PCCA: variants seen among roughly 807,000 people sequenced by gnomAD.
The protein encoded by PCCA is propionyl-CoA carboxylase alpha chain, mitochondrial.
A neutral mutation model predicts 101.3 loss-of-function variants in PCCA; 74 were observed. The observed-to-expected ratio is 0.73, with a 90% CI of 0.61 to 0.89. The LOEUF is 0.89. PCCA is among the 40% of genes least tolerant of loss of function. PCCA has a pLI of 0.00. For missense variants in PCCA, 891 were observed against 907.0 expected, an observed-to-expected ratio of 0.98 and a Z score of 0.23; for synonymous variants, 294 against 313.6, an observed-to-expected ratio of 0.94 and a Z score of 0.66.
chr13:100,150,878 C>T (rs2053228481), intron 4 of PCCA: 1 of 1,562,692 alleles, frequency 6.4e-7, no homozygotes, highest in East Asian at 2.2e-5. Context: ...AGGAACTGGG[C>T]GTTTTCGGCC....
At chr13:100,213,669 C>A (rs959487753) in intron 7 of PCCA, among the ~76,000 whole-genome samples, 1 of 152,114 alleles carries the variant, frequency 6.6e-6, no homozygotes, top group East Asian at 1.9e-4. Flanking sequence ...AAATATTTTG[C>A]TCCCATTCCA....
intron 21 of PCCA, among the ~76,000 whole-genome samples, chr13:100,509,826 T>TTTTTTTG (rs142898031): frequency 6.0e-5 from 9 of 149,454 alleles, no homozygotes; most frequent in African/African-American, 2.0e-4. Flanking sequence ...TTTTGTGTTT[T>TTTTTTTG]TTTTGTTTTG....
chr13:100,357,443 A>T (rs941342658), intron 18 of PCCA, among the ~76,000 whole-genome samples: 3 of 152,186 alleles, frequency 2.0e-5, no homozygotes, highest in African/African-American at 7.2e-5. Context: ...CTGGGCTACC[A>T]CCTGGAAGGT....
At chr13:100,105,412 A>G (rs1472326471) in intron 2 of PCCA, among the ~76,000 whole-genome samples, 2 of 152,174 alleles carry the variant, frequency 1.3e-5, no homozygotes, top group African/African-American at 4.8e-5. Flanking sequence ...CTACACTCTT[A>G]AGAGTAATTA....
chr13:100,095,759 GGGA>G (rs1293827383), intron 1 of PCCA, among the ~76,000 whole-genome samples: 4 of 152,196 alleles, frequency 2.6e-5, no homozygotes, highest in South Asian at 2.1e-4. Context: ...TAGGAGATGA[GGGA>G]GGAGGAGTGG....
intron 21 of PCCA, among the ~76,000 whole-genome samples, chr13:100,483,471 T>G (rs894675489): frequency 6.6e-6 from 1 of 152,248 alleles, no homozygotes; most frequent in Non-Finnish European, 1.5e-5. Context: ...CCGTTTGTGC[T>G]GGCTCATTGG....
At chr13:100,405,916 G>A (rs553899414) in intron 19 of PCCA, among the ~76,000 whole-genome samples, 36 of 151,952 alleles carry the variant, frequency 2.4e-4, no homozygotes, top group African/African-American at 7.7e-4. Flanking sequence ...AAAGGTGTGC[G>A]CCACCATGCC....
chr13:100,175,059 C>A (rs1012271893), intron 6 of PCCA, among the ~76,000 whole-genome samples: 1 of 152,002 alleles, frequency 6.6e-6, no homozygotes, highest in Non-Finnish European at 1.5e-5. Context: ...TTCTAATATT[C>A]TGTGCCCTAG....
At chr13:100,118,593 G>A (rs895892335) in intron 4 of PCCA, among the ~76,000 whole-genome samples, 15 of 151,806 alleles carry the variant, frequency 9.9e-5, no homozygotes, top group African/African-American at 3.4e-4. Context: ...TCAGTTGCCC[G>A]GGCTGGAGTG....
At chr13:100,519,512 G>A (rs924159327) in intron 22 of PCCA, among the ~76,000 whole-genome samples, 3 of 152,228 alleles carry the variant, frequency 2.0e-5, no homozygotes, top group East Asian at 1.9e-4. Flanking sequence ...ATCGGTGGGC[G>A]TCGGTGGCAA....
chr13:100,089,351 G>A, intron 1 of PCCA, 126 bp downstream of exon 1: 1 of 1,227,560 alleles, frequency 8.1e-7, no homozygotes, highest in East Asian at 3.1e-5. Context: ...TTCCGCATCA[G>A]CTACACCGCT....
chr13:100,337,614 T>C, intron 17 of PCCA, among the ~76,000 whole-genome samples: 1 of 152,212 alleles, frequency 6.6e-6, no homozygotes, highest in East Asian at 1.9e-4. Context: ...TTGAAGTTGA[T>C]GTGCATCATA....
intron 6 of PCCA, among the ~76,000 whole-genome samples, chr13:100,183,996 C>T (rs1274689733): frequency 6.6e-6 from 1 of 152,068 alleles, no homozygotes; most frequent in Non-Finnish European, 1.5e-5. Flanking sequence ...TAAAGAAATG[C>T]CTGAGACTGG....
chr13:100,134,974 T>C (rs1341343475), intron 4 of PCCA, among the ~76,000 whole-genome samples: 3 of 150,350 alleles, frequency 2.0e-5, no homozygotes, highest in Non-Finnish European at 4.4e-5. Context: ...ACTCCTGGGC[T>C]CAAGTGATCC....
At chr13:100,400,669 A>T (rs1239208740) in intron 19 of PCCA, among the ~76,000 whole-genome samples, 6 of 99,392 alleles carry the variant, frequency 6.0e-5, no homozygotes, top group African/African-American at 8.6e-5. Context: ...TCTTTTGCCC[A>T]GTCTGGAGTG....
chr13:100,247,215 GTT>G (rs143058621), intron 8 of PCCA, among the ~76,000 whole-genome samples: 3,782 of 108,134 alleles, frequency 0.035, 128 homozygotes, highest in African/African-American at 0.12. Context: ...GCCTGTGTGG[GTT>G]TTTTTTTTTT....
In PCCA at chr13:100,425,954, A is replaced by G. The variant is rs185559755; in HGVS notation, c.1845+223A>G. 4.0e-5 allele frequency among the ~76,000 whole-genome samples: 6 copies of G among 151,244 alleles called. No individual in the cohort carries two copies. The South Asian group carries it at 8.3e-4, about 21-fold the overall frequency. ...TCAGACAATCCAAGAAGGTTCATGT[A>G]TTGTACTTTGTTGTAAACAAGGAAT... On this transcript the variant is annotated intron_variant, in intron 20 of 23. Transcript: ENST00000376285.
At chr13:100,434,856 C>T (rs1161684600) in intron 20 of PCCA, among the ~76,000 whole-genome samples, 1 of 152,202 alleles carries the variant, frequency 6.6e-6, no homozygotes, top group Non-Finnish European at 1.5e-5. Context: ...CAGAGTTCAG[C>T]CTTAAATTCT....
chr13:100,362,882 ATCC>A (rs1264663876), intron 18 of PCCA, among the ~76,000 whole-genome samples: 1 of 152,156 alleles, frequency 6.6e-6, no homozygotes, highest in Non-Finnish European at 1.5e-5. Flanking sequence ...CAGAATTCTA[ATCC>A]TCCTCTATGC....
Sources: gnomAD v4.1 joint callset for allele counts (sites outside exome capture counted in the v4.1 genomes callset) on GRCh38, gnomAD v4.1.1 for gene constraint, MANE v1.5 for transcripts, NCBI Gene and HGNC (gene_info 2026-07-23, HGNC 2026-07-21) for gene names.